The following GRHL1 variants were observed in gnomAD, a reference collection of about 807,000 sequenced individuals.
GRHL1 encodes the protein grainyhead like transcription factor 1.
Under a neutral mutation model 75.7 loss-of-function variants are expected in GRHL1, and 38 were observed. The observed-to-expected ratio is 0.50, with a 90% confidence interval of 0.39 to 0.66. GRHL1 has a LOEUF of 0.66. Ranked by LOEUF, GRHL1 falls within the 30% of genes least tolerant of loss-of-function variation. The pLI is 0.00. For synonymous variants in GRHL1, 266 were observed against 279.4 expected, an observed-to-expected ratio of 0.95 and a Z score of 0.48; for missense variants, 589 against 767.5, an observed-to-expected ratio of 0.77 and a Z score of 2.75.
At chr2:9,971,592 C>T (rs1263502945) in intron 8 of GRHL1, among the ~76,000 whole-genome samples, 2 of 152,142 alleles carry the variant, frequency 1.3e-5, no homozygotes, top group South Asian at 2.1e-4. Context: ...AATTGAGATT[C>T]GTTTGATCCC....
At chr2:9,998,359 G>A (rs1215436530) in intron 14 of GRHL1, among the ~76,000 whole-genome samples, 15 of 150,560 alleles carry the variant, frequency 1.0e-4, no homozygotes, top group Non-Finnish European at 1.6e-4. Flanking sequence ...CCCAGCACAC[G>A]AGCTGGGGCT....
chr2:9,965,446 T>A, intron 8 of GRHL1, 65 bp downstream of exon 8: 1 of 858,882 alleles, frequency 1.2e-6, no homozygotes, highest in Non-Finnish European at 1.9e-6. Flanking sequence ...TTTAATGATT[T>A]GACAACTGAT....
intron 8 of GRHL1, among the ~76,000 whole-genome samples, chr2:9,974,509 C>A (rs1279263318): frequency 1.3e-5 from 2 of 151,966 alleles, no homozygotes; most frequent in African/African-American, 4.8e-5. Context: ...CGTGATAATA[C>A]ACACATGACA....
chr2:9,953,029 G>A (rs1039805037), intron 1 of GRHL1: 2 of 456,804 alleles, frequency 4.4e-6, no homozygotes, highest in Non-Finnish European at 8.8e-6. Flanking sequence ...CTTCCTGACT[G>A]TCATGAGGAA....
chr2:9,977,951 G>A (rs181806526), intron 8 of GRHL1, among the ~76,000 whole-genome samples: 16 of 152,298 alleles, frequency 1.1e-4, no homozygotes, highest in African/African-American at 2.9e-4. Context: ...AAATCATGGC[G>A]GAAGGCGAAA....
intron 8 of GRHL1, among the ~76,000 whole-genome samples, chr2:9,982,674 G>T (rs1668251468): frequency 6.6e-6 from 1 of 152,186 alleles, no homozygotes; most frequent in Non-Finnish European, 1.5e-5. Flanking sequence ...TTTCCAACAA[G>T]TTCCCTCGTG....
intron 2 of GRHL1, among the ~76,000 whole-genome samples, chr2:9,958,180 T>C (rs1239776601): frequency 2.7e-5 from 4 of 150,504 alleles, no homozygotes; most frequent in Non-Finnish European, 5.9e-5. Flanking sequence ...TTTTCTTTTT[T>C]TTTTTTTTTT....
intron 8 of GRHL1, among the ~76,000 whole-genome samples, chr2:9,985,309 G>T (rs1014003672): frequency 1.3e-5 from 2 of 152,194 alleles, no homozygotes; most frequent in Non-Finnish European, 2.9e-5. Context: ...CCACATCTGT[G>T]TGGAACTTCT....
rs1325987795 is a variant in GRHL1 at position 9,961,189 on chromosome 2, C to T, written c.422C>T (p.Pro141Leu). 1 of 1,614,046 alleles carries T rather than the reference C, an allele frequency of 6.2e-7. No homozygotes were observed. Among genetic ancestry groups the T allele is most frequent in the Non-Finnish European group, 8.5e-7 (1 of 1,180,008 alleles). ...GIDKRGHLTA[P>L]DTTVTVSIAT... ...GATAAGAGAGGCCATCTGACAGCTCCAGATACGACAGTCACTGTCTCCATA... is the reference window on the plus strand; with the variant it reads ...GATAAGAGAGGCCATCTGACAGCTCTAGATACGACAGTCACTGTCTCCATA... The change falls in exon 4 of 16, where the codon CCA becomes CTA. Residue 141 changes from proline to leucine, a missense_variant. This residue lies in a region of GRHL1 where 362 missense variants were observed against 461.8 expected (regional missense o/e 0.78). Coordinates refer to ENST00000324907, the MANE Select transcript of GRHL1 (RefSeq NM_198182.3).
intron 10 of GRHL1, 125 bp from the exon 11 acceptor site, chr2:9,991,882 T>G: frequency 1.6e-6 from 1 of 631,788 alleles, no homozygotes; most frequent in Non-Finnish European, 2.6e-6. Flanking sequence ...GCGTGCCCTG[T>G]TGTATCTTAC....
intron 7 of GRHL1, chr2:9,964,549 C>G: frequency 2.1e-6 from 1 of 486,058 alleles, no homozygotes; most frequent in Non-Finnish European, 3.6e-6. Flanking sequence ...GACATGTGCC[C>G]ACGTGGTGGC....
rs1342898408 is a variant in GRHL1, at chr2:9,992,039, C to T, written c.1354C>T (p.His452Tyr). The T allele has an allele frequency of 1.2e-6, 2 of 1,609,156 alleles. No homozygotes were observed. The highest frequency in any genetic ancestry group is 4.5e-5 in the East Asian group (2 of 44,850). ...SDVKVPLLPSHKRMDITVFKP... is the reference protein window; with the variant it reads ...SDVKVPLLPSYKRMDITVFKP... ...TGTTAAAGTGCCACTGCTTCCCTCT[C>T]ACAAGCGAATGGATATCACAGTTTT... Residue 452 changes from histidine (H) to tyrosine (Y), a missense_variant, in exon 11 of 16, where the codon CAC becomes TAC. Around this residue, in one of 5 missense-constraint regions of GRHL1, gnomAD observed 192 missense variants for 226.6 expected, o/e 0.85. Coordinates refer to ENST00000324907, the MANE Select transcript of GRHL1 (RefSeq NM_198182.3). The surrounding 1 kb of genome is among the most constrained non-coding windows in gnomAD (Gnocchi z 4.6).
intron 12 of GRHL1, among the ~76,000 whole-genome samples, chr2:9,993,888 A>G (rs776244780): frequency 5.3e-5 from 8 of 152,178 alleles, no homozygotes; most frequent in African/African-American, 1.4e-4. Flanking sequence ...TTCCCCATCA[A>G]ACTTTCAGTT....
Position 9,987,424 on chromosome 2 carries a change from G to A in GRHL1, c.1269+1142G>A, listed in dbSNP as rs1209644192. ...AAAGGAGGTGCACACAGGACCCTCT[G>A]AGCCCAGCTGCTGGAAGTGTAGGCA... is the stretch of plus-strand genomic sequence containing the variant. On this transcript the variant is annotated intron_variant, in intron 9 of 15. Transcript: ENST00000324907. This position sits in a 1 kb window ranked among gnomAD's most constrained non-coding sequence, Gnocchi z 4.2. Among the ~76,000 whole-genome samples the A allele has an allele frequency of 1.3e-5, 2 of 152,210 alleles. No individual in the cohort carries two copies. The highest frequency in any genetic ancestry group is 1.9e-4 in the East Asian group (1 of 5,204).
rs1667571902 is a variant in GRHL1, at chr2:9,968,297, TTG to T, written c.1110+2919_1110+2920del. Among the ~76,000 whole-genome samples the T allele has an allele frequency of 6.6e-6, 1 of 152,244 alleles. No individual in the cohort carries two copies. Among genetic ancestry groups the T allele is most frequent in the Admixed American group, 6.5e-5 (1 of 15,282 alleles). ...TGGAAACTTTCGGAAGTTTTGGAAC[TTG>T]TGAAAATTTGTTCGTTTTCAAAGTG... On this transcript the variant is annotated intron_variant, in intron 8 of 15. Transcript: ENST00000324907. This position sits in a 1 kb window ranked among gnomAD's most constrained non-coding sequence, Gnocchi z 4.7.
At chr2:9,965,422 A>T in intron 8 of GRHL1, 41 bp downstream of exon 8, 1 of 1,003,866 alleles carries the variant, frequency 1.0e-6, no homozygotes, top group Non-Finnish European at 1.6e-6. Flanking sequence ...CAGCCATTTG[A>T]GAAATGGGAG....
chr2:9,988,810 G>T (rs910186314), intron 9 of GRHL1, among the ~76,000 whole-genome samples: 1 of 152,118 alleles, frequency 6.6e-6, no homozygotes, highest in African/African-American at 2.4e-5. Flanking sequence ...TCTGGTTTTT[G>T]TTGTTGTTTC....
rs756628037 is a variant in GRHL1, at chr2:9,986,267, G to C, written c.1254G>C (p.Lys418Asn). 6.2e-7 allele frequency: 1 copy of C among 1,613,162 alleles called. No homozygotes were observed. The highest frequency in any genetic ancestry group is 1.3e-5 in the African/African-American group (1 of 74,840). ...KPVHRAYCQI[K>N]VFCDKGAERK... is the part of the protein sequence containing the mutation. Reference sequence around the variant, plus strand: ...TGCACCGGGCCTACTGCCAGATCAAGGTCTTCTGTGACAAGGTAAGATCGG... The same window carrying C: ...TGCACCGGGCCTACTGCCAGATCAACGTCTTCTGTGACAAGGTAAGATCGG... The change falls in exon 9 of 16, where the codon AAG becomes AAC. Residue 418 changes from lysine (K) to asparagine (N), a missense_variant. By Grantham distance (94) the Lys-to-Asn change is moderately conservative (BLOSUM62 0). This residue lies in a region of GRHL1 where 30 missense variants were observed against 40.3 expected (regional missense o/e 0.74). Transcript: ENST00000324907.
chr2:9,990,883 G>T lies in GRHL1; in HGVS notation c.1321+136G>T, dbSNP rs907770984. On this transcript the variant is annotated intron_variant, in intron 10 of 15. Transcript: ENST00000324907. The surrounding 1 kb of genome is among the most constrained non-coding windows in gnomAD (Gnocchi z 4.2). ...CAGTGGGTGTTCTTCCTGTTCTGCA[G>T]TGTGGCACTGCCTCTTCCTCAGATC... The T allele has an allele frequency of 6.3e-6, 4 of 631,836 alleles. No homozygotes were observed. In the Admixed American group the frequency reaches 1.2e-4, roughly 18 times the overall value. 39.1% of individuals were successfully genotyped at this position (631,836 alleles called of 1,614,324 possible). A position where few individuals can be genotyped will look rare whatever the true frequency, so the allele number is the denominator to read the frequency against.
Sources: allele counts gnomAD v4.1 joint callset (sites outside exome capture counted in the v4.1 genomes callset), GRCh38; gene constraint gnomAD v4.1.1; regional missense constraint gnomAD v4.1.1; non-coding constraint Gnocchi (gnomAD v3.1); transcripts MANE v1.5; gene names NCBI Gene and HGNC (gene_info 2026-07-23, HGNC 2026-07-21).